The following PCDHGA1 variants were observed in gnomAD, a reference collection of about 807,000 sequenced individuals.
The protein encoded by PCDHGA1 is protocadherin gamma subfamily A, 1.
Under a neutral mutation model 58.0 loss-of-function variants are expected in PCDHGA1, and 32 were observed. The ratio of observed to expected loss-of-function variants is 0.55; its 90% CI spans 0.42 to 0.74. PCDHGA1 has a LOEUF of 0.74. Among genes scored for constraint, PCDHGA1 ranks in the 30% least tolerant of loss-of-function variants. The pLI is 0.00. For missense variants in PCDHGA1, 1,205 were observed against 1,182.3 expected, an observed-to-expected ratio of 1.02 and a Z score of -0.28; for synonymous variants, 498 against 501.1, an observed-to-expected ratio of 0.99 and a Z score of 0.08.
At chr5:141,403,179 C>T (rs1341077920) in intron 1 of PCDHGA1, 1 of 1,614,000 alleles carries the variant, frequency 6.2e-7, no homozygotes, top group Admixed American at 1.7e-5. Flanking sequence ...CAGCTTTTCT[C>T]TCTGAACCCG....
rs562410567 is a variant in PCDHGA1 at position 141,413,096 on chromosome 5, G to A, written c.2421+79991G>A. On this transcript the variant is annotated intron_variant, in intron 1 of 3. Transcript: ENST00000517417. ...GCCCAGGCTACAGAGACACCCTGAA[G>A]CCACAGAAAGACAAAGGAACCGGTT... 25 of 1,445,574 alleles carry A rather than the reference G, an allele frequency of 1.7e-5. No homozygotes were observed. The African/African-American group carries it at 3.3e-4, about 19-fold the overall frequency. The allele number at this position is 1,445,574 out of a possible 1,614,324, so 89.5% of individuals were successfully genotyped here.
At chr5:141,433,352 T>G (rs976015031) in intron 1 of PCDHGA1, 1 of 614,162 alleles carries the variant, frequency 1.6e-6, no homozygotes, top group Admixed American at 3.0e-5. Flanking sequence ...AGCCACCTAC[T>G]GTCTGCCTAT....
At chr5:141,416,124 AT>A (rs1297389183) in intron 1 of PCDHGA1, 1 of 154,644 alleles carries the variant, frequency 6.5e-6, no homozygotes, top group Non-Finnish European at 1.4e-5. Flanking sequence ...CATTTTATAT[AT>A]TTTTCAATCT....
rs1466304019 is a variant in PCDHGA1 at position 141,332,138 on chromosome 5, C to T, written c.1454C>T (p.Ala485Val). Residue 485 changes from alanine to valine, a missense_variant, in exon 1 of 4, where the codon GCA (alanine) becomes GTA (valine). Ala to Val is a moderately conservative substitution (Grantham distance 64, BLOSUM62 0). Transcript: ENST00000517417. This position sits in a 1 kb window ranked among gnomAD's most constrained non-coding sequence, Gnocchi z 4.6. ...RAHDLDSNENAQITYSLIEDT... is the reference protein window; with the variant it reads ...RAHDLDSNENVQITYSLIEDT... The stretch of plus-strand genomic sequence containing the variant: ...CACGACTTGGACAGCAATGAGAATG[C>T]ACAAATCACTTACTCCCTAATAGAG... 1.2e-6 allele frequency: 2 copies of T among 1,614,182 alleles called. No individual in the cohort carries two copies. The highest frequency in any genetic ancestry group is 2.2e-5 in the East Asian group (1 of 44,876).
At chr5:141,429,045 G>C (rs919761577) in intron 1 of PCDHGA1, 15 of 151,954 alleles carry the variant, frequency 9.9e-5, no homozygotes, top group African/African-American at 2.9e-4. Context: ...TAGTACAGAC[G>C]GGGTTTCACC....
At chr5:141,430,874 C>A in intron 1 of PCDHGA1, 2 of 1,598,990 alleles carry the variant, frequency 1.3e-6, no homozygotes, top group East Asian at 4.5e-5. Context: ...TCCGGAAGAG[C>A]TGGAGAAAGG....
rs777247531 is a variant in PCDHGA1 at position 141,476,417 on chromosome 5, C to T, written c.2422-18390C>T. 3 of 1,614,112 alleles carry T rather than the reference C, an allele frequency of 1.9e-6. No homozygotes were observed. Among genetic ancestry groups the T allele is most frequent in the Admixed American group, 1.7e-5 (1 of 60,018 alleles). The stretch of plus-strand genomic sequence containing the variant: ...GGATCGAGAGGAGCTGTGTGGGACA[C>T]TGCCCTCTTGCACTGTAACTCTGGA... On this transcript the variant is annotated intron_variant, in intron 1 of 3. Coordinates refer to ENST00000517417, the MANE Select transcript of PCDHGA1 (RefSeq NM_018912.3). The surrounding 1 kb of genome is among the most constrained non-coding windows in gnomAD (Gnocchi z 7.6).
chr5:141,340,792 C>T, intron 1 of PCDHGA1: 6 of 1,613,888 alleles, frequency 3.7e-6, no homozygotes, highest in Non-Finnish European at 5.1e-6. Context: ...TGTCTTACCA[C>T]CTGCTCAAGG....
Position 141,490,885 on chromosome 5 carries a change from T to C in PCDHGA1, c.2422-3922T>C, listed in dbSNP as rs1317781676. The stretch of plus-strand genomic sequence containing the variant: ...CTCTCCCCCATTGCATGCCAACACA[T>C]CTCTGCATGTGTTTGTCCTAGACGA... On this transcript the variant is annotated intron_variant, in intron 1 of 3. Coordinates refer to ENST00000517417, the MANE Select transcript of PCDHGA1 (RefSeq NM_018912.3). This position sits in a 1 kb window ranked among gnomAD's most constrained non-coding sequence, Gnocchi z 5.4. The C allele has an allele frequency of 6.2e-7, 1 of 1,613,872 alleles. No individual in the cohort carries two copies. Among genetic ancestry groups the C allele is most frequent in the Non-Finnish European group, 8.5e-7 (1 of 1,179,904 alleles).
chr5:141,415,740 GTTTTTTTTT>G (rs57426385), intron 1 of PCDHGA1: 9,508 of 621,550 alleles, frequency 0.015, 13 homozygotes, highest in Non-Finnish European at 0.016. Context: ...GTTTATTAAG[GTTTTTTTTT>G]TTTTTTTTTT....
At chr5:141,339,047 G>T (rs760227375) in intron 1 of PCDHGA1, 1 of 1,610,298 alleles carries the variant, frequency 6.2e-7, no homozygotes, top group Admixed American at 1.7e-5. Flanking sequence ...CCTGTGGGAG[G>T]CCAGGGCCGG....
chr5:141,355,318 G>C (rs963609371), intron 1 of PCDHGA1: 4 of 1,613,972 alleles, frequency 2.5e-6, no homozygotes, highest in Non-Finnish European at 3.4e-6. Flanking sequence ...TGAGGAGCAG[G>C]AAGAAGGCTC....
At chr5:141,376,183 C>G (rs1772387950) in intron 1 of PCDHGA1, 1 of 1,614,148 alleles carries the variant, frequency 6.2e-7, no homozygotes, top group Admixed American at 1.7e-5. Context: ...TGGCCGCGGT[C>G]TCCTGCGTCT....
chr5:141,483,213 C>T (rs1343903817), intron 1 of PCDHGA1, among the ~76,000 whole-genome samples: 1 of 152,142 alleles, frequency 6.6e-6, no homozygotes, highest in Non-Finnish European at 1.5e-5. Flanking sequence ...ATATAGATGA[C>T]AGTCACTGCA....
At chr5:141,460,882 C>G (rs2098999926) in intron 1 of PCDHGA1, among the ~76,000 whole-genome samples, 1 of 149,600 alleles carries the variant, frequency 6.7e-6, no homozygotes, top group Non-Finnish European at 1.5e-5. Context: ...TTATTTCATG[C>G]CTTTTCGTGG....
chr5:141,370,545 G>A (rs768607566), intron 1 of PCDHGA1: 2 of 1,613,866 alleles, frequency 1.2e-6, no homozygotes, highest in Non-Finnish European at 1.7e-6. Context: ...AGGGAACCTC[G>A]CCAAGGACCT....
chr5:141,355,232 C>G (rs1759768343), intron 1 of PCDHGA1: 1 of 1,611,712 alleles, frequency 6.2e-7, no homozygotes, highest in Non-Finnish European at 8.5e-7. Flanking sequence ...CCAGACCACA[C>G]CCGGCTGCTC....
intron 1 of PCDHGA1, chr5:141,371,830 C>A: frequency 6.2e-7 from 1 of 1,613,814 alleles, no homozygotes. Flanking sequence ...GCCTCGGATC[C>A]CGACTTGGGA....
rs1453956789 is a variant in PCDHGA1, at chr5:141,333,109, A to G, written c.2421+4A>G. On this transcript the variant is annotated splice_donor_region_variant and intron_variant, in intron 1 of 3. Transcript: ENST00000517417. ...CAAAAAGGAACCATTTTCTCAGGTA[A>G]ACTTTTGTGATGAATGTATCAGCTA... 1 of 1,614,048 alleles carries G rather than the reference A, an allele frequency of 6.2e-7. No homozygotes were observed. Among genetic ancestry groups the G allele is most frequent in the African/African-American group, 1.3e-5 (1 of 74,902 alleles).
Sources: gnomAD v4.1 joint callset for allele counts (sites outside exome capture counted in the v4.1 genomes callset) on GRCh38, gnomAD v4.1.1 for gene constraint, Gnocchi (gnomAD v3.1) non-coding constraint, MANE v1.5 for transcripts, NCBI Gene and HGNC (gene_info 2026-07-23, HGNC 2026-07-21) for gene names.